Variants in DCHS2 observed in about 807,000 individuals in gnomAD.
DCHS2 encodes protocadherin-23.
Under a neutral mutation model 182.4 loss-of-function variants are expected in DCHS2, and 142 were observed. That is an observed-to-expected ratio of 0.78 (90% CI 0.68 to 0.89). The LOEUF (loss-of-function observed/expected upper bound fraction) is 0.89, where lower values mean the gene tolerates loss of function less well. Ranked by LOEUF, DCHS2 falls within the 40% of genes least tolerant of loss-of-function variation. DCHS2 has a pLI of 0.00. For synonymous variants in DCHS2, 1,740 were observed against 1,663.3 expected, an observed-to-expected ratio of 1.05 and a Z score of -1.12; for missense variants, 4,319 against 4,198.6, an observed-to-expected ratio of 1.03 and a Z score of -0.79.
chr4:154,303,992 T>C (rs991932593), intron 12 of DCHS2, among the ~76,000 whole-genome samples: 1 of 152,094 alleles, frequency 6.6e-6, no homozygotes, highest in Non-Finnish European at 1.5e-5. Context: ...GGTTTACTTA[T>C]TCATTAGTGA....
At chr4:154,247,888 C>G (rs1732158494) in intron 16 of DCHS2, among the ~76,000 whole-genome samples, 1 of 152,148 alleles carries the variant, frequency 6.6e-6, no homozygotes, top group Admixed American at 6.5e-5. Flanking sequence ...AAGAGAAAGA[C>G]ATGGGATCTG....
At chr4:154,335,973 G>C (rs980922524) in intron 3 of DCHS2, among the ~76,000 whole-genome samples, 4 of 152,132 alleles carry the variant, frequency 2.6e-5, no homozygotes, top group Non-Finnish European at 5.9e-5. Flanking sequence ...AGGGTTGTAG[G>C]GTGATTACAA....
At position 154,259,672 on chromosome 4, in the gene DCHS2, C is replaced by G; in HGVS notation, c.6662G>C (p.Gly2221Ala). Residue 2221 changes from glycine (G) to alanine (A), a missense_variant, in exon 15 of 20, where the codon GGG becomes GCG. Coordinates refer to ENST00000357232, the MANE Select transcript of DCHS2 (RefSeq NM_001358235.2). ...TGCTACTTTGCAATAGGCTCTATGC[C>G]CACTACTTTCAGCTAAAACGATGAG... is the stretch of plus-strand genomic sequence containing the variant. ...VQLIVLAESS[G>A]HRAYCKVAVL... 2.5e-6 allele frequency: 4 copies of G among 1,613,884 alleles called. No homozygotes were observed. In the East Asian group the frequency reaches 8.9e-5, roughly 36 times the overall value.
intron 3 of DCHS2, among the ~76,000 whole-genome samples, chr4:154,338,006 G>C (rs1335183936): frequency 2.0e-5 from 3 of 152,120 alleles, no homozygotes; most frequent in Admixed American, 6.6e-5. Context: ...AAAGTACTGG[G>C]ATTATAGGTG....
intron 14 of DCHS2, among the ~76,000 whole-genome samples, 195 bp from the exon 15 acceptor site, chr4:154,259,951 T>G (rs1161009191): frequency 6.6e-6 from 1 of 151,996 alleles, no homozygotes; most frequent in Admixed American, 6.6e-5. Flanking sequence ...GCCTCCTGAG[T>G]AGTTGGAGTT....
intron 1 of DCHS2, among the ~76,000 whole-genome samples, chr4:154,441,756 C>T (rs2110956991): frequency 6.6e-6 from 1 of 152,040 alleles, no homozygotes; most frequent in East Asian, 1.9e-4. Flanking sequence ...TTGAAAGTCT[C>T]AGTGTTTATA....
rs1397146093 is a variant in DCHS2, at chr4:154,462,330, G to A, written c.2052+26974C>T. Reference sequence around the variant, plus strand: ...TCTTTACTTAACACTTTACAGTCAAGCAAAGGACTACGAACAATCACACTT... The same window carrying A: ...TCTTTACTTAACACTTTACAGTCAAACAAAGGACTACGAACAATCACACTT... On this transcript the variant is annotated intron_variant, in intron 1 of 19. Coordinates refer to ENST00000357232, the MANE Select transcript of DCHS2 (RefSeq NM_001358235.2). Among the ~76,000 whole-genome samples the A allele has an allele frequency of 2.0e-5, 3 of 152,148 alleles. No individual in the cohort carries two copies. In the East Asian group the frequency reaches 5.8e-4, roughly 29 times the overall value.
chr4:154,320,294 A>C, intron 9 of DCHS2, 85 bp downstream of exon 9: 2 of 1,521,924 alleles, frequency 1.3e-6, no homozygotes, highest in East Asian at 4.5e-5. Context: ...TTGTACACTT[A>C]AAACTTTGTT....
intron 2 of DCHS2, among the ~76,000 whole-genome samples, chr4:154,372,465 G>A (rs550391990): frequency 5.3e-5 from 8 of 152,188 alleles, no homozygotes; most frequent in South Asian, 2.1e-4. Flanking sequence ...TTTCTTGCTC[G>A]TCTGACAAAA....
At chr4:154,273,142 T>C (rs1425814748) in intron 13 of DCHS2, among the ~76,000 whole-genome samples, 3 of 152,124 alleles carry the variant, frequency 2.0e-5, no homozygotes, top group Non-Finnish European at 2.9e-5. Flanking sequence ...AAGATACCTG[T>C]GTATGCGTGT....
chr4:154,280,821 C>T (rs1017898953), intron 13 of DCHS2, among the ~76,000 whole-genome samples: 1 of 147,314 alleles, frequency 6.8e-6, no homozygotes, highest in Non-Finnish European at 1.5e-5. Context: ...GACAAGAATG[C>T]TCACTTCTTT....
intron 3 of DCHS2, among the ~76,000 whole-genome samples, chr4:154,361,510 A>C (rs1307823533): frequency 6.6e-6 from 1 of 152,156 alleles, no homozygotes; most frequent in Non-Finnish European, 1.5e-5. Flanking sequence ...GCTATTAATA[A>C]ATATGTCTCT....
In DCHS2 at chr4:154,389,515, G is replaced by GTT. The variant is rs904567940; in HGVS notation, c.2053-12073_2053-12072dup. ...CTATGTTCTATTCCTAAAGACAAAG[G>GTT]TTATATATATATATATATATAACCT... On this transcript the variant is annotated intron_variant, in intron 1 of 19. Transcript: ENST00000357232. 8.7e-4 allele frequency among the ~76,000 whole-genome samples: 109 copies of GTT among 125,908 alleles called. 1 individual carries two copies. The highest frequency in any genetic ancestry group is 2.9e-3 in the African/African-American group (102 of 34,592). 82.6% of individuals were successfully genotyped at this position (125,908 alleles called of 152,430 possible).
chr4:154,250,635 G>A (rs1026966125), intron 16 of DCHS2, among the ~76,000 whole-genome samples: 1 of 152,084 alleles, frequency 6.6e-6, no homozygotes, highest in African/African-American at 2.4e-5. Flanking sequence ...AATTCAATTG[G>A]TGATCAAGTT....
chr4:154,280,068 C>T (rs10033939), intron 13 of DCHS2, among the ~76,000 whole-genome samples: 12,060 of 151,766 alleles, frequency 0.079, 1,223 homozygotes, highest in African/African-American at 0.23. Context: ...CACAGAAATC[C>T]AAAGGGATCA....
rs528008813 is a variant in DCHS2, at chr4:154,333,525, T to C, written c.2714-31A>G. On this transcript the variant is annotated intron_variant, in intron 4 of 19. Coordinates refer to ENST00000357232, the MANE Select transcript of DCHS2 (RefSeq NM_001358235.2). The stretch of plus-strand genomic sequence containing the variant: ...AAAGAGAGAGGGGACAACCACTGTA[T>C]GTCAAAAGGGTGGACCCACTGGAAA... 2.8e-5 allele frequency: 44 copies of C among 1,576,006 alleles called. No individual in the cohort carries two copies. In the Admixed American group the frequency reaches 7.5e-4, roughly 27 times the overall value.
Position 154,491,053 on chromosome 4 carries a change from G to A in DCHS2, c.303C>T (p.Phe101=), listed in dbSNP as rs774845318. The A allele has an allele frequency of 1.5e-5, 23 of 1,551,030 alleles. No homozygotes were observed. The highest frequency in any genetic ancestry group is 1.9e-5 in the Non-Finnish European group (22 of 1,146,908). Residue 101 remains phenylalanine, a synonymous_variant, in exon 1 of 20, where the codon TTC becomes TTT. Coordinates refer to ENST00000357232, the MANE Select transcript of DCHS2 (RefSeq NM_001358235.2). ...PAAQQQEGSG[F]FLSEDSDDSP... is the part of the protein sequence containing the mutation. ...AGTCATCGGAGTCCTCCGACAGAAA[G>A]AAGCCGCTCCCCTCCTGCTGCTGCG...
At chr4:154,356,734 T>C (rs1579003024) in intron 3 of DCHS2, among the ~76,000 whole-genome samples, 1 of 152,184 alleles carries the variant, frequency 6.6e-6, no homozygotes, top group Non-Finnish European at 1.5e-5. Context: ...CCATATAGCC[T>C]AGGTGTGTAC....
intron 1 of DCHS2, among the ~76,000 whole-genome samples, chr4:154,443,180 G>A (rs370500219): frequency 6.4e-4 from 97 of 151,942 alleles, no homozygotes; most frequent in African/African-American, 2.2e-3. Flanking sequence ...TACTTCCATC[G>A]CTCCTAAGTT....
Sources: gnomAD v4.1 joint callset for allele counts (sites outside exome capture counted in the v4.1 genomes callset) on GRCh38, gnomAD v4.1.1 for gene constraint, MANE v1.5 for transcripts, NCBI Gene and HGNC (gene_info 2026-07-23, HGNC 2026-07-21) for gene names.